The following EPHB2 variants were observed in gnomAD, a reference collection of about 807,000 sequenced individuals.
EPHB2 encodes the protein ephrin type-B receptor 2.
EPHB2 carries 18 observed loss-of-function variants against 96.4 expected under a neutral mutation model. The observed-to-expected ratio is 0.19, with a 90% confidence interval of 0.13 to 0.28. The LOEUF (loss-of-function observed/expected upper bound fraction) is 0.28, where lower values mean the gene tolerates loss of function less well. Ranked by LOEUF, EPHB2 falls within the 10% of genes least tolerant of loss-of-function variation. The pLI, the probability that EPHB2 is intolerant of heterozygous loss-of-function variation, is 1.00. For synonymous variants in EPHB2, 506 were observed against 534.1 expected, an observed-to-expected ratio of 0.95 and a Z score of 0.72; for missense variants, 989 against 1,355.4, an observed-to-expected ratio of 0.73 and a Z score of 4.25.
At chr1:22,877,891 G>A (rs1638896867) in intron 5 of EPHB2, among the ~76,000 whole-genome samples, 1 of 152,234 alleles carries the variant, frequency 6.6e-6, no homozygotes, top group Admixed American at 6.5e-5. Flanking sequence ...CTCCAGACCT[G>A]CTGAAGTAGA....
In EPHB2 at chr1:22,790,398, C is replaced by T. The variant is rs944481547; in HGVS notation, c.811+5322C>T. ...AAGAGCCCTGTTCCCTCCCCAACCCCAGTCCCCGCTGGGGCTTCCTGCCAG... is the reference window on the plus strand; with the variant it reads ...AAGAGCCCTGTTCCCTCCCCAACCCTAGTCCCCGCTGGGGCTTCCTGCCAG... On this transcript the variant is annotated intron_variant, in intron 3 of 15. Transcript: ENST00000374630. The surrounding 1 kb of genome is among the most constrained non-coding windows in gnomAD (Gnocchi z 4.0). Among the ~76,000 whole-genome samples the T allele has an allele frequency of 6.6e-6, 1 of 152,236 alleles. No individual in the cohort carries two copies. The highest frequency in any genetic ancestry group is 2.4e-5 in the African/African-American group (1 of 41,468).
intron 3 of EPHB2, among the ~76,000 whole-genome samples, chr1:22,842,696 G>A (rs905809071): frequency 6.6e-6 from 1 of 152,118 alleles, no homozygotes; most frequent in African/African-American, 2.4e-5. Context: ...TTCCCACTCA[G>A]TTCCCCCATA....
chr1:22,882,757 T>G, intron 6 of EPHB2: 2 of 408,998 alleles, frequency 4.9e-6, no homozygotes, highest in Non-Finnish European at 9.3e-6. Context: ...TCACATCCCT[T>G]TCCCTACCAC....
At chr1:22,845,457 T>A (rs1365646245) in intron 3 of EPHB2, among the ~76,000 whole-genome samples, 1 of 152,168 alleles carries the variant, frequency 6.6e-6, no homozygotes. Flanking sequence ...AAGCCCTCAC[T>A]TGGTGACAGT....
chr1:22,806,583 T>G (rs1644930371), intron 3 of EPHB2, among the ~76,000 whole-genome samples: 1 of 152,156 alleles, frequency 6.6e-6, no homozygotes, highest in Non-Finnish European at 1.5e-5. Context: ...GGATCCCAGC[T>G]TCTCAGCACA....
At position 22,863,021 on chromosome 1, in the gene EPHB2, T is replaced by C; in HGVS notation, c.812-16T>C. ...TCATCCAGTTTCCTGGTGACTCTCC[T>C]TGTCTTCTCTCTCAGGTTGTCCATC... On this transcript the variant is annotated splice_polypyrimidine_tract_variant and intron_variant, in intron 3 of 15. Coordinates refer to ENST00000374630, the MANE Select transcript of EPHB2 (RefSeq NM_017449.5). The C allele has an allele frequency of 6.2e-7, 1 of 1,614,176 alleles. No homozygotes were observed.
chr1:22,827,147 A>G (rs1570348361), intron 3 of EPHB2, among the ~76,000 whole-genome samples: 3 of 152,322 alleles, frequency 2.0e-5, no homozygotes, highest in South Asian at 4.1e-4. Flanking sequence ...TCCCTTGCTC[A>G]TGGAAACTCC....
chr1:22,749,281 A>C (rs1420935639), intron 1 of EPHB2, among the ~76,000 whole-genome samples: 1 of 152,096 alleles, frequency 6.6e-6, no homozygotes, highest in Admixed American at 6.6e-5. Flanking sequence ...TTGGCTTCCC[A>C]AAGTACTGGG....
At chr1:22,887,533 C>G (rs1459816474) in intron 6 of EPHB2, among the ~76,000 whole-genome samples, 1 of 152,230 alleles carries the variant, frequency 6.6e-6, no homozygotes, top group Non-Finnish European at 1.5e-5. Flanking sequence ...CCAAGCCCCA[C>G]TGGGATTTCC....
chr1:22,774,857 T>C (rs1157252735), intron 1 of EPHB2, among the ~76,000 whole-genome samples: 1 of 152,162 alleles, frequency 6.6e-6, no homozygotes, highest in African/African-American at 2.4e-5. Flanking sequence ...CTCCCCTACA[T>C]GTGGGCCCTG....
chr1:22,772,053 C>A (rs918390984), intron 1 of EPHB2, among the ~76,000 whole-genome samples: 7 of 152,104 alleles, frequency 4.6e-5, no homozygotes, highest in African/African-American at 1.4e-4. Flanking sequence ...CCCTGGTGTT[C>A]ATTTACCACC....
At chr1:22,785,141 G>A in intron 3 of EPHB2, 65 bp downstream of exon 3, 1 of 1,593,916 alleles carries the variant, frequency 6.3e-7, no homozygotes, top group South Asian at 1.1e-5. Context: ...TGCAGACTCG[G>A]GCTGCAGACT....
rs944949260 is a variant in EPHB2, at chr1:22,815,700, A to T, written c.811+30624A>T. Among the ~76,000 whole-genome samples, 14 of 152,318 alleles carry T rather than the reference A, an allele frequency of 9.2e-5. No individual in the cohort carries two copies. In the Middle Eastern group the frequency reaches 0.02, roughly 222 times the overall value. Reference sequence around the variant, plus strand: ...TGGAAGCTGCTTGGAGGCTCCAAAGACTGTTTAAAGATTCCAGAATCTGTT... The same window carrying T: ...TGGAAGCTGCTTGGAGGCTCCAAAGTCTGTTTAAAGATTCCAGAATCTGTT... On this transcript the variant is annotated intron_variant, in intron 3 of 15. Transcript: ENST00000374630.
At chr1:22,726,817 G>A (rs1286791453) in intron 1 of EPHB2, among the ~76,000 whole-genome samples, 1 of 152,198 alleles carries the variant, frequency 6.6e-6, no homozygotes, top group African/African-American at 2.4e-5. Context: ...ACATACTTGT[G>A]TATGAGATGG....
intron 1 of EPHB2, among the ~76,000 whole-genome samples, chr1:22,769,151 G>T (rs113262437): frequency 1.6e-4 from 24 of 152,262 alleles, no homozygotes; most frequent in African/African-American, 5.8e-4. Context: ...ATGTGATATG[G>T]ACAACAGATT....
intron 1 of EPHB2, among the ~76,000 whole-genome samples, chr1:22,726,414 CT>C (rs896855971): frequency 4.3e-5 from 3 of 69,554 alleles, no homozygotes; most frequent in African/African-American, 6.6e-5. Context: ...GTTTCTTTTT[CT>C]TTTTTTTTCT....
In EPHB2 at chr1:22,913,801, G is replaced by A; in HGVS notation, c.*231G>A. On this transcript the variant is annotated 3_prime_UTR_variant, in exon 16 of 16. Transcript: ENST00000374630. The surrounding 1 kb of genome is among the most constrained non-coding windows in gnomAD (Gnocchi z 4.1). ...AGAAAACAGATCCTGGGAGGGGGCG[G>A]GAAATACAAGGAATATTTTTTAAAG... The A allele has an allele frequency of 1.2e-6, 2 of 1,609,712 alleles. No individual in the cohort carries two copies. Among genetic ancestry groups the A allele is most frequent in the Non-Finnish European group, 1.7e-6 (2 of 1,178,026 alleles).
Position 22,861,249 on chromosome 1 carries a change from G to A in EPHB2, c.812-1788G>A, listed in dbSNP as rs916985826. Among the ~76,000 whole-genome samples the A allele has an allele frequency of 2.0e-5, 3 of 152,194 alleles. No homozygotes were observed. The South Asian group carries it at 6.2e-4, about 32-fold the overall frequency. ...TGCTCACACAGGTGGGTCTGGGTTT[G>A]CCAGCAGCCTGCACACTAACCACTA... On this transcript the variant is annotated intron_variant, in intron 3 of 15. Coordinates refer to ENST00000374630, the MANE Select transcript of EPHB2 (RefSeq NM_017449.5).
At position 22,865,199 on chromosome 1, in the gene EPHB2, C is replaced by T; in HGVS notation, c.1290C>T (p.Thr430=). 6.2e-7 allele frequency: 1 copy of T among 1,614,228 alleles called. No homozygotes were observed. Among genetic ancestry groups the T allele is most frequent in the Non-Finnish European group, 8.5e-7 (1 of 1,180,046 alleles). ...FSPQFASVNI[T]TNQAAPSAVS... is the part of the protein sequence containing the mutation. ...CTCAGTTCGCCTCTGTGAACATCAC[C>T]ACCAACCAGGCAGGTAAGTGCTTCC... The change falls in exon 5 of 16, where the codon ACC becomes ACT. Residue 430 remains threonine, a synonymous_variant. Transcript: ENST00000374630.
Sources: allele counts gnomAD v4.1 joint callset (sites outside exome capture counted in the v4.1 genomes callset), GRCh38; gene constraint gnomAD v4.1.1; non-coding constraint Gnocchi (gnomAD v3.1); transcripts MANE v1.5; gene names NCBI Gene and HGNC (gene_info 2026-07-23, HGNC 2026-07-21).